Variants in NKAIN2 observed in about 807,000 individuals in gnomAD.
The protein encoded by NKAIN2 is sodium/potassium-transporting ATPase subunit beta-1-interacting protein 2.
A neutral mutation model predicts 32.6 loss-of-function variants in NKAIN2; 14 were observed. The ratio of observed to expected loss-of-function variants is 0.43; its 90% CI spans 0.28 to 0.67. NKAIN2 has a LOEUF of 0.67. Among genes scored for constraint, NKAIN2 ranks in the 30% least tolerant of loss-of-function variants. The pLI is 0.17. For synonymous variants in NKAIN2, 80 were observed against 87.2 expected (o/e 0.92, Z 0.46); for missense variants, 198 against 258.3 (o/e 0.77, Z 1.60).
chr6:124,252,648 A>T (rs954441941), intron 1 of NKAIN2, among the ~76,000 whole-genome samples: 1 of 152,158 alleles, frequency 6.6e-6, no homozygotes, highest in South Asian at 2.1e-4. Flanking sequence ...ATTAGACATT[A>T]GTTAAAGTAT....
chr6:124,426,925 C>T (rs2114551404), intron 3 of NKAIN2, among the ~76,000 whole-genome samples: 1 of 152,264 alleles, frequency 6.6e-6, no homozygotes, highest in East Asian at 1.9e-4. Context: ...TCACCTTCCA[C>T]CATGATTATG....
intron 1 of NKAIN2, among the ~76,000 whole-genome samples, chr6:123,824,464 T>A (rs1774059062): frequency 6.6e-6 from 1 of 152,092 alleles, no homozygotes; most frequent in South Asian, 2.1e-4. Flanking sequence ...CTAGCTACAA[T>A]TCAAAAGAGT....
chr6:124,329,486 G>A (rs1797563146), intron 2 of NKAIN2, among the ~76,000 whole-genome samples: 1 of 152,044 alleles, frequency 6.6e-6, no homozygotes, highest in Non-Finnish European at 1.5e-5. Flanking sequence ...AGCAATGTAG[G>A]ACCCCCAGAT....
intron 6 of NKAIN2, chr6:124,819,299 T>A (rs1229169339): frequency 6.3e-6 from 1 of 158,498 alleles, no homozygotes; most frequent in African/African-American, 2.4e-5. Context: ...ATAAATGGAG[T>A]TTGGGAGTAA....
intron 3 of NKAIN2, among the ~76,000 whole-genome samples, chr6:124,424,256 T>A (rs564058554): frequency 6.6e-6 from 1 of 152,220 alleles, no homozygotes; most frequent in South Asian, 2.1e-4. Flanking sequence ...CCTCCCAAAG[T>A]GCTTAATTTA....
intron 3 of NKAIN2, among the ~76,000 whole-genome samples, chr6:124,475,342 A>G (rs1042074606): frequency 3.3e-5 from 5 of 152,176 alleles, no homozygotes; most frequent in Admixed American, 2.6e-4. Context: ...ACACATTGGT[A>G]CTTATGCTAC....
chr6:124,729,014 G>T (rs1187564370), intron 4 of NKAIN2, among the ~76,000 whole-genome samples: 1 of 150,044 alleles, frequency 6.7e-6, no homozygotes, highest in Non-Finnish European at 1.5e-5. Context: ...CCAGGAAGAA[G>T]TTGAATCTCT....
At chr6:124,144,931 A>G (rs953204168) in intron 1 of NKAIN2, among the ~76,000 whole-genome samples, 1 of 152,234 alleles carries the variant, frequency 6.6e-6, no homozygotes, top group Non-Finnish European at 1.5e-5. Context: ...TTTTCAAACA[A>G]CAATAACATA....
chr6:124,173,873 A>C (rs1008861295), intron 1 of NKAIN2, among the ~76,000 whole-genome samples: 1 of 152,040 alleles, frequency 6.6e-6, no homozygotes, highest in Non-Finnish European at 1.5e-5. Flanking sequence ...CTTCAGAGTA[A>C]AGTTTTGATA....
intron 3 of NKAIN2, among the ~76,000 whole-genome samples, chr6:124,518,649 T>TA (rs1177400146): frequency 2.0e-5 from 3 of 152,160 alleles, no homozygotes; most frequent in Non-Finnish European, 4.4e-5. Context: ...CACTTCCCAC[T>TA]AGTCCCCTCC....
intron 4 of NKAIN2, among the ~76,000 whole-genome samples, chr6:124,731,639 G>A (rs1306849894): frequency 6.6e-6 from 1 of 151,002 alleles, no homozygotes; most frequent in Non-Finnish European, 1.5e-5. Context: ...CAGTGCACCA[G>A]CATGGCACAT....
intron 3 of NKAIN2, 76 bp downstream of exon 3, chr6:124,355,423 C>A: frequency 1.3e-6 from 1 of 790,274 alleles, no homozygotes; most frequent in Non-Finnish European, 2.2e-6. Context: ...AGAGTCTCAT[C>A]CTGTTCTGCT....
Position 123,873,046 on chromosome 6 carries a change from T to C in NKAIN2, c.54+68792T>C, listed in dbSNP as rs1228383562. Among the ~76,000 whole-genome samples the C allele has an allele frequency of 2.0e-5, 3 of 152,134 alleles. No homozygotes were observed. The East Asian group carries it at 5.8e-4, about 29-fold the overall frequency. Reference sequence around the variant, plus strand: ...AAAACTTTGAGCAAGATGGACAAGGTCTCTACTCTGATGGAACATAAATTC... The same window carrying C: ...AAAACTTTGAGCAAGATGGACAAGGCCTCTACTCTGATGGAACATAAATTC... On this transcript the variant is annotated intron_variant, in intron 1 of 6. Transcript: ENST00000368417.
At chr6:124,401,101 G>A in intron 3 of NKAIN2, among the ~76,000 whole-genome samples, 1 of 152,174 alleles carries the variant, frequency 6.6e-6, no homozygotes, top group East Asian at 1.9e-4. Context: ...TACAAAATAT[G>A]TATCCCTTTT....
At chr6:124,301,567 C>T (rs556261254) in intron 2 of NKAIN2, among the ~76,000 whole-genome samples, 8 of 152,210 alleles carry the variant, frequency 5.3e-5, no homozygotes, top group South Asian at 4.1e-4. Context: ...CCCCTGAAAG[C>T]GGCTAGGAGG....
intron 1 of NKAIN2, among the ~76,000 whole-genome samples, chr6:123,836,659 A>G (rs756292737): frequency 4.6e-5 from 7 of 151,804 alleles, no homozygotes; most frequent in Non-Finnish European, 7.4e-5. Flanking sequence ...AAAAGGTGAC[A>G]TTAGTGGAAA....
chr6:124,705,372 TATAAA>T (rs1775006831), intron 4 of NKAIN2, among the ~76,000 whole-genome samples: 1 of 152,086 alleles, frequency 6.6e-6, no homozygotes, highest in Non-Finnish European at 1.5e-5. Flanking sequence ...TTAGATGGCT[TATAAA>T]ATGATACCAC....
chr6:124,732,848 A>T (rs779586062), intron 4 of NKAIN2, among the ~76,000 whole-genome samples: 3 of 152,088 alleles, frequency 2.0e-5, no homozygotes, highest in Admixed American at 6.6e-5. Flanking sequence ...TTGAAAGCTT[A>T]TATCCATATA....
chr6:124,780,355 C>G (rs550103307), intron 4 of NKAIN2, among the ~76,000 whole-genome samples: 11 of 152,296 alleles, frequency 7.2e-5, no homozygotes, highest in African/African-American at 2.6e-4. Flanking sequence ...TATATGAGCA[C>G]AGAGAGTGAG....
Sources: allele counts gnomAD v4.1 joint callset (sites outside exome capture counted in the v4.1 genomes callset), GRCh38; gene constraint gnomAD v4.1.1; transcripts MANE v1.5; gene names NCBI Gene and HGNC (gene_info 2026-07-23, HGNC 2026-07-21).